The following KCNQ1OT1 variants were observed in gnomAD, a reference collection of about 807,000 sequenced individuals.
The protein encoded by KCNQ1OT1 is KCNQ1 opposite strand/antisense transcript 1, also known as KCNQ1 antisense RNA 2 (non-protein coding).
exon 1 of KCNQ1OT1, chr11:2,667,396 C>G (rs1564851526): frequency 5.0e-6 from 2 of 398,724 alleles, no homozygotes; most frequent in Non-Finnish European, 8.8e-6. Context: ...GCACTCTGGC[C>G]AGGCTCAGCC....
In KCNQ1OT1 at chr11:2,659,855, T is replaced by C; in HGVS notation, n.40140A>G. ...TTTATGTTAATTATGTATCTTTTCA[T>C]GTGCTTATTTATAATCCATTTTTAA... On this transcript the variant is annotated non_coding_transcript_exon_variant, in exon 1 of 1. Coordinates refer to ENST00000597346, the Ensembl canonical transcript of KCNQ1OT1. The surrounding 1 kb of genome is among the most constrained non-coding windows in gnomAD (Gnocchi z 4.3). The C allele has an allele frequency of 2.5e-6, 1 of 398,470 alleles. No homozygotes were observed. The allele number at this position is 398,470 out of a possible 1,614,324, so 24.7% of individuals were successfully genotyped here. A position where few individuals can be genotyped will look rare whatever the true frequency, so the allele number is the denominator to read the frequency against.
chr11:2,640,578 T>C (rs1458056269), exon 1 of KCNQ1OT1: 1 of 343,522 alleles, frequency 2.9e-6, no homozygotes, highest in African/African-American at 2.9e-5. Context: ...TTTTTTTTTT[T>C]GACCGATACA....
At chr11:2,638,269 T>A (rs943507560) in exon 1 of KCNQ1OT1, 1 of 152,254 alleles carries the variant, frequency 6.6e-6, no homozygotes, top group East Asian at 1.9e-4. Context: ...CTTCCTAGCA[T>A]CTATGGTCTT....
chr11:2,620,224 A>G lies in KCNQ1OT1; in HGVS notation n.79771T>C, dbSNP rs377197052. On this transcript the variant is annotated non_coding_transcript_exon_variant, in exon 1 of 1. Transcript: ENST00000597346. The surrounding 1 kb of genome is among the most constrained non-coding windows in gnomAD (Gnocchi z 4.5). ...GTATATATATATATTTTTTTTTTTT[A>G]TTTTTTTTTTAGACGGAGTTTCGCT... The G allele has an allele frequency of 4.5e-6, 1 of 222,962 alleles. No homozygotes were observed. The highest frequency in any genetic ancestry group is 8.1e-6 in the Non-Finnish European group (1 of 123,906). The allele number at this position is 222,962 out of a possible 1,614,324, so 13.8% of individuals were successfully genotyped here. A position where few individuals can be genotyped will look rare whatever the true frequency, so the allele number is the denominator to read the frequency against.
chr11:2,669,907 G>A lies in KCNQ1OT1; in HGVS notation n.30088C>T. On this transcript the variant is annotated non_coding_transcript_exon_variant, in exon 1 of 1. Coordinates refer to ENST00000597346, the Ensembl canonical transcript of KCNQ1OT1. This position sits in a 1 kb window ranked among gnomAD's most constrained non-coding sequence, Gnocchi z 5.6. ...CTTAATAAGATGTGCCTAGAGGCCT[G>A]AGAGTCCCAAGCTCCAGGACAGTCT... 5.0e-6 allele frequency: 2 copies of A among 398,630 alleles called. No individual in the cohort carries two copies. Among genetic ancestry groups the A allele is most frequent in the East Asian group, 3.6e-5 (1 of 28,072 alleles). 24.7% of individuals were successfully genotyped at this position (398,630 alleles called of 1,614,324 possible).
rs7943271 is a variant in KCNQ1OT1 at position 2,612,367 on chromosome 11, C to T, written n.87628G>A. On this transcript the variant is annotated non_coding_transcript_exon_variant, in exon 1 of 1. Transcript: ENST00000597346. The surrounding 1 kb of genome is among the most constrained non-coding windows in gnomAD (Gnocchi z 5.5). ...AAAATTGTCTTCCACAAAACTGGTC[C>T]CTCATGCCAAAAAGGTTGGGGACCA... 0.016 allele frequency: 6,389 copies of T among 398,564 alleles called. 337 individuals carry two copies. The highest frequency in any genetic ancestry group is 0.12 in the African/African-American group (5,756 of 48,692). 24.7% of individuals were successfully genotyped at this position (398,564 alleles called of 1,614,324 possible).
rs1324001001 is a variant in KCNQ1OT1, at chr11:2,632,635, C to A, written n.67360G>T. 12 of 398,302 alleles carry A rather than the reference C, an allele frequency of 3.0e-5. No individual in the cohort carries two copies. The South Asian group carries it at 1.4e-3, about 47-fold the overall frequency. The allele number at this position is 398,302 out of a possible 1,614,324, so 24.7% of individuals were successfully genotyped here. On this transcript the variant is annotated non_coding_transcript_exon_variant, in exon 1 of 1. Coordinates refer to ENST00000597346, the Ensembl canonical transcript of KCNQ1OT1. ...ATCAAATCAGGGTAATTAGCATATT[C>A]ATCAACTCAAATATCATTTCTCTGT...
rs1363157542 is a variant in KCNQ1OT1, at chr11:2,659,415, A to C, written n.40580T>G. ...AGCAAAATGCATTTGAGATTCATCC[A>C]TGTTGTTGCATAAATCATTAGTTAA... is the stretch of plus-strand genomic sequence containing the variant. On this transcript the variant is annotated non_coding_transcript_exon_variant, in exon 1 of 1. Coordinates refer to ENST00000597346, the Ensembl canonical transcript of KCNQ1OT1. The surrounding 1 kb of genome is among the most constrained non-coding windows in gnomAD (Gnocchi z 4.3). 2.5e-6 allele frequency: 1 copy of C among 398,490 alleles called. No individual in the cohort carries two copies. The highest frequency in any genetic ancestry group is 2.1e-5 in the African/African-American group (1 of 48,638). 24.7% of individuals were successfully genotyped at this position (398,490 alleles called of 1,614,324 possible).
At chr11:2,622,296 T>C in exon 1 of KCNQ1OT1, 1 of 398,366 alleles carries the variant, frequency 2.5e-6, no homozygotes, top group Non-Finnish European at 4.4e-6. Context: ...TCTCAGTATG[T>C]AATGTCCTCC....
chr11:2,630,294 C>A (rs1487487181), exon 1 of KCNQ1OT1: 1 of 397,766 alleles, frequency 2.5e-6, no homozygotes, highest in Non-Finnish European at 4.4e-6. Context: ...TTTTAATGTG[C>A]TGTTAAATTC....
In KCNQ1OT1 at chr11:2,679,433, T is replaced by C. The variant is rs1325954120; in HGVS notation, n.20562A>G. On this transcript the variant is annotated non_coding_transcript_exon_variant, in exon 1 of 1. Transcript: ENST00000597346. This position sits in a 1 kb window ranked among gnomAD's most constrained non-coding sequence, Gnocchi z 4.8. Reference sequence around the variant, plus strand: ...TAAGAGTACCTTCCTCAGAGGGTTGTTAGGAGGATTACACAAATTAATAAT... The same window carrying C: ...TAAGAGTACCTTCCTCAGAGGGTTGCTAGGAGGATTACACAAATTAATAAT... 2.5e-6 allele frequency: 1 copy of C among 398,490 alleles called. No individual in the cohort carries two copies. The highest frequency in any genetic ancestry group is 2.1e-5 in the African/African-American group (1 of 48,608). The allele number at this position is 398,490 out of a possible 1,614,324, so 24.7% of individuals were successfully genotyped here.
In KCNQ1OT1 at chr11:2,678,640, G is replaced by C. The variant is rs557886736; in HGVS notation, n.21355C>G. 2.5e-6 allele frequency: 1 copy of C among 395,708 alleles called. No homozygotes were observed. The highest frequency in any genetic ancestry group is 3.6e-5 in the East Asian group (1 of 27,968). 24.5% of individuals were successfully genotyped at this position (395,708 alleles called of 1,614,324 possible). A position where few individuals can be genotyped will look rare whatever the true frequency, so the allele number is the denominator to read the frequency against. On this transcript the variant is annotated non_coding_transcript_exon_variant, in exon 1 of 1. Transcript: ENST00000597346. This position sits in a 1 kb window ranked among gnomAD's most constrained non-coding sequence, Gnocchi z 4.9. ...ATTACTTAAGAGCCAATAATGGGAA[G>C]CTCATTTTCACAAATGCAGTCAACC...
In KCNQ1OT1 at chr11:2,610,716, CTTTTTTTTTTT is replaced by C. The variant is rs1167505141; in HGVS notation, n.89268_89278del. On this transcript the variant is annotated non_coding_transcript_exon_variant, in exon 1 of 1. Transcript: ENST00000597346. ...TTCTGGACACAGTATTCTTGGTTGG[CTTTTTTTTTTT>C]TTTTTTTTTTTTTTTTTTACTTTGA... 0.065 allele frequency: 14,742 copies of C among 227,520 alleles called. 10 individuals are homozygous for C. Among genetic ancestry groups the C allele is most frequent in the Middle Eastern group, 0.1 (106 of 1,060 alleles). 14.1% of individuals were successfully genotyped at this position (227,520 alleles called of 1,614,324 possible). A position where few individuals can be genotyped will look rare whatever the true frequency, so the allele number is the denominator to read the frequency against.
exon 1 of KCNQ1OT1, chr11:2,635,632 T>C (rs538118928): frequency 2.0e-5 from 3 of 152,224 alleles, no homozygotes; most frequent in African/African-American, 7.2e-5. Context: ...TCCAGCTTTG[T>C]TCTTTTGGCT....
Position 2,653,213 on chromosome 11 carries a change from G to A in KCNQ1OT1, n.46782C>T, listed in dbSNP as rs1004296596. The A allele has an allele frequency of 3.0e-5, 12 of 398,726 alleles. No individual in the cohort carries two copies. Among genetic ancestry groups the A allele is most frequent in the Middle Eastern group, 6.3e-4 (1 of 1,592 alleles). 24.7% of individuals were successfully genotyped at this position (398,726 alleles called of 1,614,324 possible). On this transcript the variant is annotated non_coding_transcript_exon_variant, in exon 1 of 1. Transcript: ENST00000597346. The surrounding 1 kb of genome is among the most constrained non-coding windows in gnomAD (Gnocchi z 5.3). ...TGTGCTGTTGCAGGGCTAGGGCCAG[G>A]GCCTTGGCCTCAGGCCAGCTTCTTT... is the stretch of plus-strand genomic sequence containing the variant.
rs1394058425 is a variant in KCNQ1OT1, at chr11:2,641,912, T to C, written n.58083A>G. 3 of 398,402 alleles carry C rather than the reference T, an allele frequency of 7.5e-6. No homozygotes were observed. In the East Asian group the frequency reaches 1.1e-4, roughly 14 times the overall value. The allele number at this position is 398,402 out of a possible 1,614,324, so 24.7% of individuals were successfully genotyped here. A position where few individuals can be genotyped will look rare whatever the true frequency, so the allele number is the denominator to read the frequency against. ...GTGCTCTTTTCCCAGTGTATGTTCT[T>C]GGCATCTTTGTCAAAAATCAGTTGG... On this transcript the variant is annotated non_coding_transcript_exon_variant, in exon 1 of 1. Transcript: ENST00000597346.
rs1362980864 is a variant in KCNQ1OT1 at position 2,664,324 on chromosome 11, G to A, written n.35671C>T. 1 of 398,790 alleles carries A rather than the reference G, an allele frequency of 2.5e-6. No homozygotes were observed. Among genetic ancestry groups the A allele is most frequent in the Admixed American group, 4.4e-5 (1 of 22,720 alleles). The allele number at this position is 398,790 out of a possible 1,614,324, so 24.7% of individuals were successfully genotyped here. A position where few individuals can be genotyped will look rare whatever the true frequency, so the allele number is the denominator to read the frequency against. On this transcript the variant is annotated non_coding_transcript_exon_variant, in exon 1 of 1. Transcript: ENST00000597346. This position sits in a 1 kb window ranked among gnomAD's most constrained non-coding sequence, Gnocchi z 5.1. ...TGTGTTCTGGTCAGGGAAGACTCAG[G>A]GCTGAGGCTTCAGGGGAGCTGGGTT...
In KCNQ1OT1 at chr11:2,654,504, G is replaced by A. The variant is rs554405328; in HGVS notation, n.45491C>T. 5.5e-5 allele frequency: 22 copies of A among 398,734 alleles called. No homozygotes were observed. The highest frequency in any genetic ancestry group is 5.3e-4 in the East Asian group (15 of 28,078). 24.7% of individuals were successfully genotyped at this position (398,734 alleles called of 1,614,324 possible). A position where few individuals can be genotyped will look rare whatever the true frequency, so the allele number is the denominator to read the frequency against. ...CCGTACAGGGGAGGGGGCAATCTCC[G>A]GAGCCCTGGAAAGCTTGTGGAAGAG... On this transcript the variant is annotated non_coding_transcript_exon_variant, in exon 1 of 1. Coordinates refer to ENST00000597346, the Ensembl canonical transcript of KCNQ1OT1. This position sits in a 1 kb window ranked among gnomAD's most constrained non-coding sequence, Gnocchi z 6.4.
rs1359275160 is a variant in KCNQ1OT1, at chr11:2,627,254, T to C, written n.72741A>G. The C allele has an allele frequency of 5.0e-6, 2 of 398,450 alleles. No homozygotes were observed. Among genetic ancestry groups the C allele is most frequent in the Non-Finnish European group, 8.8e-6 (2 of 226,056 alleles). The allele number at this position is 398,450 out of a possible 1,614,324, so 24.7% of individuals were successfully genotyped here. On this transcript the variant is annotated non_coding_transcript_exon_variant, in exon 1 of 1. Coordinates refer to ENST00000597346, the Ensembl canonical transcript of KCNQ1OT1. This position sits in a 1 kb window ranked among gnomAD's most constrained non-coding sequence, Gnocchi z 4.9. ...AGAACATATTTGACCTACTGTGAAA[T>C]GATTACTACAATCAAGCCAATTAAC...
Sources: allele counts gnomAD v4.1 joint callset, GRCh38; gene constraint gnomAD v4.1.1; non-coding constraint Gnocchi (gnomAD v3.1); transcripts MANE v1.5; gene names NCBI Gene and HGNC (gene_info 2026-07-23, HGNC 2026-07-21).